EPG5: variants seen among roughly 807,000 people sequenced by gnomAD.
EPG5 encodes the protein ectopic P granules protein 5 homolog.
Under a neutral mutation model 302.7 loss-of-function variants are expected in EPG5, and 159 were observed. The observed-to-expected ratio is 0.53, with a 90% CI of 0.46 to 0.60. The LOEUF (loss-of-function observed/expected upper bound fraction) is 0.60. EPG5 is among the 20% of genes least tolerant of loss of function. The pLI, the probability that EPG5 is intolerant of heterozygous loss-of-function variation, is 0.00. For missense variants in EPG5, 2,896 were observed against 3,092.4 expected (o/e 0.94, Z 1.51); for synonymous variants, 1,158 against 1,136.8 (o/e 1.02, Z -0.37).
intron 30 of EPG5, among the ~76,000 whole-genome samples, chr18:45,884,295 T>C (rs951257068): frequency 6.6e-6 from 1 of 152,194 alleles, no homozygotes; most frequent in African/African-American, 2.4e-5. Context: ...CTCCATCTAA[T>C]GCCTGATGAT....
chr18:45,951,364 G>T, intron 3 of EPG5, 126 bp from the exon 4 acceptor site: 1 of 569,942 alleles, frequency 1.8e-6, no homozygotes, highest in Non-Finnish European at 2.6e-6. Flanking sequence ...AAGGAGAAAA[G>T]TTACATCAAA....
At position 45,858,793 on chromosome 18, in the gene EPG5, G is replaced by A; in HGVS notation, c.7010-11C>T. The stretch of plus-strand genomic sequence containing the variant: ...TCTGATTGAGAGGGCCTAAGAACAT[G>A]AAGAAGAGACATCAAGATATAGGCA... On this transcript the variant is annotated splice_polypyrimidine_tract_variant and intron_variant, in intron 40 of 43. Transcript: ENST00000282041. The A allele has an allele frequency of 1.9e-6, 3 of 1,589,012 alleles. No individual in the cohort carries two copies. The highest frequency in any genetic ancestry group is 2.6e-6 in the Non-Finnish European group (3 of 1,157,212).
Position 45,927,593 on chromosome 18 carries a change from TAC to T in EPG5, c.2553+1274_2553+1275del, listed in dbSNP as rs67488772. On this transcript the variant is annotated intron_variant, in intron 13 of 43. Transcript: ENST00000282041. The stretch of plus-strand genomic sequence containing the variant: ...GACTGAATGGATAAACAAAAAGTTA[TAC>T]ACACACACACACACACACACACACA... Among the ~76,000 whole-genome samples, 1,015 of 133,472 alleles carry T rather than the reference TAC, an allele frequency of 7.6e-3. 3 individuals carry two copies. The highest frequency in any genetic ancestry group is 9.5e-3 in the African/African-American group (320 of 33,798). The allele number at this position is 133,472 out of a possible 152,430, so 87.6% of individuals were successfully genotyped here.
chr18:45,801,538 T>A, the EPG5 span, among the ~76,000 whole-genome samples: 1 of 152,172 alleles, frequency 6.6e-6, no homozygotes. Context: ...GAGGAGAAGG[T>A]AGTGCCAGGG....
Position 45,848,495 on chromosome 18 carries a change from G to C in EPG5, c.*3972C>G, listed in dbSNP as rs1228050448. 1 of 152,262 alleles carries C rather than the reference G, an allele frequency of 6.6e-6. No individual in the cohort carries two copies. Among genetic ancestry groups the C allele is most frequent in the Admixed American group, 6.5e-5 (1 of 15,290 alleles). The allele number at this position is 152,262 out of a possible 1,614,324, so 9.4% of individuals were successfully genotyped here. A position where few individuals can be genotyped will look rare whatever the true frequency, so the allele number is the denominator to read the frequency against. On this transcript the variant is annotated 3_prime_UTR_variant, in exon 44 of 44. Coordinates refer to ENST00000282041, the MANE Select transcript of EPG5 (RefSeq NM_020964.3). ...GCTACTGAAAGCTGATGCTGCCCAA[G>C]CATTTAGGGAGATAATTATGCCACT...
chr18:45,912,323 A>T lies in EPG5; in HGVS notation c.3950T>A (p.Leu1317His). The change falls in exon 22 of 44, where the codon CTT becomes CAT. Residue 1317 changes from leucine to histidine, a missense_variant. Transcript: ENST00000282041. The stretch of plus-strand genomic sequence containing the variant: ...TGGTCCCGGACGGTGAAGATACAGA[A>T]GGAAGAACTTCTGCCAAATGAGTGG... ...LLPLIWQKFF[L>H]LYLHRPGPQY... is the part of the protein sequence containing the mutation. The T allele has an allele frequency of 6.2e-7, 1 of 1,607,122 alleles. No homozygotes were observed. The highest frequency in any genetic ancestry group is 1.7e-5 in the Admixed American group (1 of 57,336).
At chr18:45,944,521 G>A (rs539519094) in intron 7 of EPG5, among the ~76,000 whole-genome samples, 5 of 152,306 alleles carry the variant, frequency 3.3e-5, no homozygotes, top group African/African-American at 9.6e-5. Context: ...TTGGAAGGCC[G>A]AGGCGGGCAG....
chr18:45,822,167 G>A, the EPG5 span, among the ~76,000 whole-genome samples: 3 of 152,306 alleles, frequency 2.0e-5, no homozygotes, highest in South Asian at 6.2e-4. Flanking sequence ...ACCATCAGAT[G>A]AATGGAGAAA....
chr18:45,906,617 CTA>C (rs1472887007), intron 24 of EPG5, among the ~76,000 whole-genome samples: 1 of 152,092 alleles, frequency 6.6e-6, no homozygotes, highest in Non-Finnish European at 1.5e-5. Context: ...GGCTATTCCC[CTA>C]TGTTTCCATA....
chr18:45,846,521 C>CAA (rs67294951), downstream of EPG5, among the ~76,000 whole-genome samples: 902 of 46,378 alleles, frequency 0.019, 54 homozygotes, highest in African/African-American at 0.057. Context: ...AACTCCCTCT[C>CAA]AAAAAAAAAA....
At chr18:45,935,088 C>T (rs768504762) in intron 10 of EPG5, 122 bp from the exon 11 acceptor site, 15 of 1,052,206 alleles carry the variant, frequency 1.4e-5, no homozygotes, top group Non-Finnish European at 2.0e-5. Context: ...TTCTAATATG[C>T]TTTAGTCATA....
the EPG5 span, among the ~76,000 whole-genome samples, chr18:45,824,379 T>C: frequency 6.6e-6 from 1 of 152,036 alleles, no homozygotes; most frequent in Non-Finnish European, 1.5e-5. Context: ...GCTAATATTT[T>C]GTATTTTTAG....
chr18:45,891,480 C>T (rs1345805997), intron 27 of EPG5, among the ~76,000 whole-genome samples: 3 of 134,008 alleles, frequency 2.2e-5, no homozygotes, highest in Non-Finnish European at 4.6e-5. Flanking sequence ...ACCTGGGCGA[C>T]AGCGTGAGAC....
intron 42 of EPG5, among the ~76,000 whole-genome samples, chr18:45,857,152 T>C (rs2048532302): frequency 6.6e-6 from 1 of 151,938 alleles, no homozygotes; most frequent in Non-Finnish European, 1.5e-5. Context: ...CTCTGTCACC[T>C]AGGCTGGAGT....
chr18:45,897,173 C>A (rs1010998119), intron 27 of EPG5, among the ~76,000 whole-genome samples: 1 of 152,302 alleles, frequency 6.6e-6, no homozygotes, highest in African/African-American at 2.4e-5. Flanking sequence ...CACTGCAAGG[C>A]CCAGAGAGTT....
the EPG5 span, chr18:45,840,192 C>T: frequency 6.2e-7 from 1 of 1,613,080 alleles, no homozygotes; most frequent in Non-Finnish European, 8.5e-7. Context: ...TGCCTGCTCT[C>T]TTGCTGTCCC....
At chr18:45,837,205 A>G in the EPG5 span, 1 of 1,488,222 alleles carries the variant, frequency 6.7e-7, no homozygotes, top group Non-Finnish European at 9.0e-7. Flanking sequence ...GGGTAAGAAT[A>G]TGGGGTCAAG....
the EPG5 span, chr18:45,825,683 G>A: frequency 6.2e-7 from 1 of 1,605,688 alleles, no homozygotes; most frequent in South Asian, 1.1e-5. Flanking sequence ...TCACTGGGGA[G>A]GTGGCCGAGA....
intron 16 of EPG5, 104 bp downstream of exon 16, chr18:45,922,237 C>T (rs372941111): frequency 3.1e-5 from 44 of 1,418,464 alleles, no homozygotes; most frequent in African/African-American, 4.3e-5. Flanking sequence ...CCAATTGCTC[C>T]GCAATAGGTT....
Sources: allele counts gnomAD v4.1 joint callset (sites outside exome capture counted in the v4.1 genomes callset), GRCh38; gene constraint gnomAD v4.1.1; transcripts MANE v1.5; gene names NCBI Gene and HGNC (gene_info 2026-07-23, HGNC 2026-07-21).